ARHGEF18: variants seen among roughly 807,000 people sequenced by gnomAD.
ARHGEF18 encodes the protein rho guanine nucleotide exchange factor 18.
A neutral mutation model predicts 155.7 loss-of-function variants in ARHGEF18; 93 were observed. That is an observed-to-expected ratio of 0.60 (90% CI 0.50 to 0.71). The LOEUF is 0.71. ARHGEF18 is among the 30% of genes least tolerant of loss of function. The pLI is 0.00. For synonymous variants in ARHGEF18, 742 were observed against 753.1 expected, an observed-to-expected ratio of 0.99 and a Z score of 0.24; for missense variants, 1,593 against 1,816.1, an observed-to-expected ratio of 0.88 and a Z score of 2.23.
chr19:7,466,842 G>GAAAAAGAAA, intron 23 of ARHGEF18, 76 bp from the exon 24 acceptor site: 2 of 687,412 alleles, frequency 2.9e-6, no homozygotes, highest in East Asian at 3.0e-5. Context: ...AAAAAAAGAA[G>GAAAAAGAAA]AAGAAGAAGA....
intron 16 of ARHGEF18, 35 bp from the exon 17 acceptor site, chr19:7,453,432 G>C (rs781603474): frequency 1.3e-6 from 2 of 1,555,132 alleles, no homozygotes; most frequent in African/African-American, 2.7e-5. Context: ...TGTTAAAGTG[G>C]AAAAGAAAGA....
At chr19:7,433,772 C>G (rs1007269333) in intron 10 of ARHGEF18, among the ~76,000 whole-genome samples, 1 of 151,964 alleles carries the variant, frequency 6.6e-6, no homozygotes, top group Non-Finnish European at 1.5e-5. Context: ...GTAATCCCAA[C>G]ACTTTGGAAG....
intron 13 of ARHGEF18, among the ~76,000 whole-genome samples, chr19:7,442,320 T>C (rs2032850676): frequency 6.6e-6 from 1 of 152,022 alleles, no homozygotes; most frequent in Admixed American, 6.6e-5. Flanking sequence ...CACTGCAGCC[T>C]CGACCTGGGC....
intron 10 of ARHGEF18, chr19:7,439,798 C>G: frequency 7.0e-7 from 1 of 1,424,512 alleles, no homozygotes; most frequent in South Asian, 1.6e-5. Flanking sequence ...CTCACCGTTT[C>G]ATGATCTTAG....
intron 13 of ARHGEF18, among the ~76,000 whole-genome samples, chr19:7,443,519 G>A (rs1974802316): frequency 6.6e-6 from 1 of 152,156 alleles, no homozygotes; most frequent in African/African-American, 2.4e-5. Context: ...CTTTTCCTAA[G>A]GGCACCAGTC....
chr19:7,436,298 A>C (rs1974250931), intron 10 of ARHGEF18, among the ~76,000 whole-genome samples: 2 of 146,266 alleles, frequency 1.4e-5, no homozygotes, highest in South Asian at 4.4e-4. Flanking sequence ...TTTTTTCAAG[A>C]CAGGATCTCA....
chr19:7,355,915 G>C (rs1454062938), intron 1 of ARHGEF18, among the ~76,000 whole-genome samples: 1 of 152,186 alleles, frequency 6.6e-6, no homozygotes, highest in Non-Finnish European at 1.5e-5. Flanking sequence ...TGTCTCCCAA[G>C]ACTTGGCCAG....
intron 27 of ARHGEF18, 133 bp downstream of exon 27, chr19:7,469,264 A>T (rs1384537902): frequency 2.8e-5 from 33 of 1,196,986 alleles, no homozygotes; most frequent in Non-Finnish European, 3.5e-5. Flanking sequence ...CACAGCTGGC[A>T]TCGTGGCTGA....
intron 1 of ARHGEF18, among the ~76,000 whole-genome samples, chr19:7,355,342 G>A (rs1294573287): frequency 6.6e-6 from 1 of 152,032 alleles, no homozygotes; most frequent in East Asian, 1.9e-4. Context: ...GACCCAGTTT[G>A]TACTTGTATT....
At chr19:7,405,835 T>A (rs1972272718) in intron 10 of ARHGEF18, among the ~76,000 whole-genome samples, 1 of 150,484 alleles carries the variant, frequency 6.6e-6, no homozygotes, top group African/African-American at 2.5e-5. Flanking sequence ...TTGCCCAGGC[T>A]GGTCTTAAAC....
chr19:7,357,915 G>A (rs1347400092), intron 1 of ARHGEF18, among the ~76,000 whole-genome samples: 2 of 152,172 alleles, frequency 1.3e-5, no homozygotes. Context: ...TGCAGTCTGT[G>A]CCTCGCTCAC....
At chr19:7,368,117 TG>T (rs948050060) in intron 2 of ARHGEF18, among the ~76,000 whole-genome samples, 1 of 151,730 alleles carries the variant, frequency 6.6e-6, no homozygotes, top group African/African-American at 2.4e-5. Flanking sequence ...CATGACAAAA[TG>T]GGACCAGGGA....
At chr19:7,439,056 T>G (rs1974455788) in intron 10 of ARHGEF18, among the ~76,000 whole-genome samples, 1 of 152,014 alleles carries the variant, frequency 6.6e-6, no homozygotes, top group Non-Finnish European at 1.5e-5. Flanking sequence ...ATTTTGTATT[T>G]TTTATTTTTT....
chr19:7,459,843 C>T, intron 19 of ARHGEF18, 60 bp from the exon 20 acceptor site: 1 of 1,437,040 alleles, frequency 7.0e-7, no homozygotes, highest in Non-Finnish European at 9.5e-7. Context: ...GAACCAGCGT[C>T]TGTGCCGAGG....
At chr19:7,371,564 T>C (rs1970204996) in intron 2 of ARHGEF18, among the ~76,000 whole-genome samples, 1 of 152,156 alleles carries the variant, frequency 6.6e-6, no homozygotes, top group Admixed American at 6.6e-5. Context: ...CACATGTCTG[T>C]AGCCCCAGCA....
chr19:7,357,837 G>T (rs1442995403), intron 1 of ARHGEF18, among the ~76,000 whole-genome samples: 1 of 151,982 alleles, frequency 6.6e-6, no homozygotes, highest in Non-Finnish European at 1.5e-5. Flanking sequence ...CCCATCAACT[G>T]CCCCCATTAC....
rs750876410 is a variant in ARHGEF18, at chr19:7,469,911, C to T, written c.3795C>T (p.Phe1265=). Reference sequence around the variant, plus strand: ...ATACCTTCTCTCTTCCAGCGTCCTTCGACCTGAAGCAGCAGCTGCTGCTCA... The same window carrying T: ...ATACCTTCTCTCTTCCAGCGTCCTTTGACCTGAAGCAGCAGCTGCTGCTCA... ...GSQRWESSAS[F]DLKQQLLLNK... The change falls in exon 28 of 29, where the codon TTC becomes TTT. Residue 1265 remains phenylalanine (F), a synonymous_variant. Coordinates refer to ENST00000668164, the MANE Select transcript of ARHGEF18 (RefSeq NM_001367823.1). 20 of 1,612,836 alleles carry T rather than the reference C, an allele frequency of 1.2e-5. No individual in the cohort carries two copies. Among genetic ancestry groups the T allele is most frequent in the Non-Finnish European group, 1.4e-5 (17 of 1,179,818 alleles).
chr19:7,451,327 G>T (rs1171976016), intron 16 of ARHGEF18, 61 bp downstream of exon 16: 2 of 1,413,966 alleles, frequency 1.4e-6, no homozygotes, highest in East Asian at 2.3e-5. Flanking sequence ...CTCTCTCCGT[G>T]TACCCACTCC....
At chr19:7,419,676 C>T (rs1017807965) in intron 10 of ARHGEF18, among the ~76,000 whole-genome samples, 1 of 152,044 alleles carries the variant, frequency 6.6e-6, no homozygotes, top group Non-Finnish European at 1.5e-5. Context: ...ACGGAGGATT[C>T]TCCCACACAC....
Sources: gnomAD v4.1 joint callset for allele counts (sites outside exome capture counted in the v4.1 genomes callset) on GRCh38, gnomAD v4.1.1 for gene constraint, MANE v1.5 for transcripts, NCBI Gene and HGNC (gene_info 2026-07-23, HGNC 2026-07-21) for gene names.